Variants in TRAPPC9 observed in about 807,000 individuals in gnomAD.
The protein encoded by TRAPPC9 is IKK2 binding protein.
In TRAPPC9, 83 loss-of-function variants were observed where a neutral mutation model predicts 124.0. That is an observed-to-expected ratio of 0.67 (90% CI 0.56 to 0.80). TRAPPC9 has a LOEUF of 0.80. Ranked by LOEUF, TRAPPC9 falls within the 30% of genes least tolerant of loss-of-function variation. TRAPPC9 has a pLI of 0.00. For missense variants in TRAPPC9, 1,302 were observed against 1,508.3 expected (o/e 0.86, Z 2.27); for synonymous variants, 638 against 617.5 (o/e 1.03, Z -0.49).
intron 19 of TRAPPC9, among the ~76,000 whole-genome samples, chr8:139,919,010 C>T (rs1216142481): frequency 6.6e-6 from 1 of 152,230 alleles, no homozygotes; most frequent in African/African-American, 2.4e-5. Context: ...GAGCTTCATT[C>T]CCCACGGCCT....
intron 14 of TRAPPC9, among the ~76,000 whole-genome samples, chr8:140,280,154 G>A (rs1487100226): frequency 6.6e-6 from 1 of 152,206 alleles, no homozygotes; most frequent in Non-Finnish European, 1.5e-5. Flanking sequence ...ACAGTTCTAC[G>A]GACAGCAGTG....
chr8:140,051,339 C>T (rs1374453953), intron 17 of TRAPPC9, among the ~76,000 whole-genome samples: 2 of 152,202 alleles, frequency 1.3e-5, no homozygotes, highest in African/African-American at 4.8e-5. Context: ...CCGGGGGTTC[C>T]TGTAAGCCCT....
upstream of TRAPPC9, chr8:140,458,446 C>T (rs199684926): frequency 6.3e-7 from 1 of 1,579,286 alleles, no homozygotes; most frequent in African/African-American, 1.3e-5. Context: ...GACCGTGGCG[C>T]GCGCGGCCTG....
At chr8:140,166,855 G>A (rs2061847156) in intron 17 of TRAPPC9, among the ~76,000 whole-genome samples, 1 of 152,184 alleles carries the variant, frequency 6.6e-6, no homozygotes, top group African/African-American at 2.4e-5. Context: ...CCTGCACTGG[G>A]CCTAGGCCTG....
chr8:140,397,732 C>G lies in TRAPPC9; in HGVS notation c.1022G>C (p.Gly341Ala). The stretch of plus-strand genomic sequence containing the variant: ...GATGCACGCTTCCAACTCAATCACT[C>G]CCGCATTCTTATACTGCAGGGTGTA... ...ISYYSKYKNA[G>A]VIELEACIKA... Residue 341 changes from glycine to alanine, a missense_variant, in exon 7 of 23, where the codon GGA becomes GCA. Transcript: ENST00000438773. The G allele has an allele frequency of 6.2e-7, 1 of 1,614,146 alleles. No individual in the cohort carries two copies. The highest frequency in any genetic ancestry group is 8.5e-7 in the Non-Finnish European group (1 of 1,180,024).
intron 19 of TRAPPC9, among the ~76,000 whole-genome samples, chr8:139,968,192 TA>T (rs775973650): frequency 1.3e-5 from 2 of 150,324 alleles, no homozygotes; most frequent in East Asian, 2.0e-4. Flanking sequence ...AAACAAAAAA[TA>T]AAAAAAAGCA....
intron 17 of TRAPPC9, among the ~76,000 whole-genome samples, chr8:140,149,973 C>A (rs2061519878): frequency 6.6e-6 from 1 of 152,146 alleles, no homozygotes; most frequent in African/African-American, 2.4e-5. Flanking sequence ...AACCAGGAGA[C>A]CTACTCAGCC....
intron 21 of TRAPPC9, among the ~76,000 whole-genome samples, chr8:139,879,915 GGCAAAACACA>G (rs1435245084): frequency 6.6e-6 from 1 of 152,188 alleles, no homozygotes; most frequent in Non-Finnish European, 1.5e-5. Flanking sequence ...CGGCCAACTT[GGCAAAACACA>G]GCAAACTTGA....
intron 5 of TRAPPC9, among the ~76,000 whole-genome samples, chr8:140,414,511 G>A (rs1035139365): frequency 6.6e-6 from 1 of 152,094 alleles, no homozygotes; most frequent in Non-Finnish European, 1.5e-5. Context: ...TCCAGCCTGG[G>A]TGACAGAGAG....
chr8:140,274,869 A>G (rs1034680839), intron 15 of TRAPPC9, among the ~76,000 whole-genome samples: 5 of 152,234 alleles, frequency 3.3e-5, no homozygotes, highest in Non-Finnish European at 7.3e-5. Context: ...TGCCTGGTTC[A>G]TCTCACCCAT....
At chr8:140,349,276 GCA>G (rs2067458188) in intron 9 of TRAPPC9, among the ~76,000 whole-genome samples, 1 of 86,498 alleles carries the variant, frequency 1.2e-5, no homozygotes, top group African/African-American at 4.0e-5. Flanking sequence ...CGATGGGGGC[GCA>G]CGAAGGAAGG....
intron 16 of TRAPPC9, among the ~76,000 whole-genome samples, chr8:140,224,684 T>A (rs2063406889): frequency 6.6e-6 from 1 of 151,330 alleles, no homozygotes; most frequent in South Asian, 2.1e-4. Flanking sequence ...TCTACCCCCA[T>A]TTTTTTTTAC....
At chr8:139,956,699 A>C (rs1835010693) in intron 19 of TRAPPC9, among the ~76,000 whole-genome samples, 3 of 152,226 alleles carry the variant, frequency 2.0e-5, no homozygotes, top group Admixed American at 1.3e-4. Flanking sequence ...GTGGATGCAG[A>C]GGGGAAGCAC....
chr8:139,855,807 G>A (rs111429211), intron 21 of TRAPPC9, among the ~76,000 whole-genome samples: 10 of 152,318 alleles, frequency 6.6e-5, no homozygotes, highest in African/African-American at 2.4e-4. Context: ...CTTGATGCGT[G>A]GTTTATAAAG....
At chr8:140,183,240 A>G (rs2062248120) in intron 17 of TRAPPC9, among the ~76,000 whole-genome samples, 1 of 152,194 alleles carries the variant, frequency 6.6e-6, no homozygotes, top group Admixed American at 6.5e-5. Context: ...TTCACAGTGT[A>G]GCTGGGGATG....
rs189123639 is a variant in TRAPPC9, at chr8:140,069,481, G to A, written c.2557-45402C>T. Reference sequence around the variant, plus strand: ...GCCTCAGTGTTGCTTCACTGAGGGCGGTCCCTCTGGGCCCTGTTTACTTGC... The same window carrying A: ...GCCTCAGTGTTGCTTCACTGAGGGCAGTCCCTCTGGGCCCTGTTTACTTGC... On this transcript the variant is annotated intron_variant, in intron 17 of 22. Transcript: ENST00000438773. Among the ~76,000 whole-genome samples the A allele has an allele frequency of 6.6e-5, 10 of 152,194 alleles. No homozygotes were observed. The East Asian group carries it at 1.4e-3, about 21-fold the overall frequency.
rs1342485831 is a variant in TRAPPC9, at chr8:140,257,080, G to A, written c.2279-4151C>T. 1.3e-5 allele frequency among the ~76,000 whole-genome samples: 2 copies of A among 152,200 alleles called. No homozygotes were observed. The highest frequency in any genetic ancestry group is 3.9e-4 in the East Asian group (2 of 5,190). Reference sequence around the variant, plus strand: ...GTCTGAAGTTCATATGCTAAGGCCAGAGGAGGCATGAGTCTCCGCCATAGT... The same window carrying A: ...GTCTGAAGTTCATATGCTAAGGCCAAAGGAGGCATGAGTCTCCGCCATAGT... On this transcript the variant is annotated intron_variant, in intron 15 of 22. Coordinates refer to ENST00000438773, the MANE Select transcript of TRAPPC9 (RefSeq NM_001160372.4). The surrounding 1 kb of genome is among the most constrained non-coding windows in gnomAD (Gnocchi z 4.6).
chr8:139,757,117 G>A (rs1447147537), intron 21 of TRAPPC9, among the ~76,000 whole-genome samples: 7 of 129,538 alleles, frequency 5.4e-5, no homozygotes, highest in Non-Finnish European at 1.1e-4. Context: ...ACAGCATGTC[G>A]CAGGAGGAGC....
intron 19 of TRAPPC9, among the ~76,000 whole-genome samples, chr8:139,945,564 A>C (rs1361833502): frequency 6.6e-6 from 1 of 150,610 alleles, no homozygotes; most frequent in East Asian, 1.9e-4. Flanking sequence ...AAAAAAAAAA[A>C]AAAAAAAAAC....
Sources: allele counts gnomAD v4.1 joint callset (sites outside exome capture counted in the v4.1 genomes callset), GRCh38; gene constraint gnomAD v4.1.1; non-coding constraint Gnocchi (gnomAD v3.1); transcripts MANE v1.5; gene names NCBI Gene and HGNC (gene_info 2026-07-23, HGNC 2026-07-21).